The following EDN1 variants were observed in gnomAD, a reference collection of about 807,000 sequenced individuals.
The protein encoded by EDN1 is endothelin-1.
In EDN1, 11 loss-of-function variants were observed where a neutral mutation model predicts 21.7. The ratio of observed to expected loss-of-function variants is 0.51; its 90% CI spans 0.32 to 0.84. The LOEUF is 0.84. Ranked by LOEUF, EDN1 falls within the 40% of genes least tolerant of loss-of-function variation. The pLI, the probability that EDN1 is intolerant of heterozygous loss-of-function variation, is 0.03. For synonymous variants in EDN1, 85 were observed against 90.6 expected (o/e 0.94, Z 0.35); for missense variants, 244 against 262.3 (o/e 0.93, Z 0.48).
chr6:12,236,393 G>A, the EDN1 span, among the ~76,000 whole-genome samples: 1 of 152,042 alleles, frequency 6.6e-6, no homozygotes, highest in Non-Finnish European at 1.5e-5. Flanking sequence ...CAGTAGCTGG[G>A]ACTACAGGCG....
the EDN1 span, among the ~76,000 whole-genome samples, chr6:12,265,829 A>G: frequency 2.6e-5 from 4 of 152,330 alleles, no homozygotes; most frequent in Non-Finnish European, 4.4e-5. Context: ...GAGAAAATAA[A>G]TTTGGAGAAA....
chr6:12,244,011 G>A, the EDN1 span, among the ~76,000 whole-genome samples: 6 of 152,094 alleles, frequency 3.9e-5, no homozygotes, highest in Admixed American at 3.9e-4. Flanking sequence ...TTGTAGCACA[G>A]CCATTCTGAT....
the EDN1 span, among the ~76,000 whole-genome samples, chr6:12,267,473 G>T: frequency 6.6e-6 from 1 of 152,146 alleles, no homozygotes; most frequent in South Asian, 2.1e-4. Flanking sequence ...GAACAAACCA[G>T]GCACAGCATT....
At position 12,290,546 on chromosome 6, in the gene EDN1, C is replaced by T; in HGVS notation, c.-84C>T. On this transcript the variant is annotated 5_prime_UTR_variant, in exon 1 of 5. Transcript: ENST00000379375. Reference sequence around the variant, plus strand: ...GCTTTGAGATCTGAGGAACCCGCAGCGCTTTGAGGGACCTGAAGCTGTTTT... The same window carrying T: ...GCTTTGAGATCTGAGGAACCCGCAGTGCTTTGAGGGACCTGAAGCTGTTTT... 1.8e-6 allele frequency: 2 copies of T among 1,136,948 alleles called. No individual in the cohort carries two copies. The highest frequency in any genetic ancestry group is 1.3e-6 in the Non-Finnish European group (1 of 751,588). The allele number at this position is 1,136,948 out of a possible 1,614,324, so 70.4% of individuals were successfully genotyped here.
the EDN1 span, among the ~76,000 whole-genome samples, chr6:12,266,964 T>C: frequency 6.6e-6 from 1 of 152,326 alleles, no homozygotes; most frequent in South Asian, 2.1e-4. Flanking sequence ...GATTTGCATA[T>C]ATTCAGGAGT....
upstream of EDN1, among the ~76,000 whole-genome samples, chr6:12,289,909 G>C (rs1338892642): frequency 1.3e-5 from 2 of 152,140 alleles, no homozygotes; most frequent in African/African-American, 2.4e-5. Context: ...ACTGAGACTA[G>C]AATCGGAGAG....
chr6:12,276,686 G>A, the EDN1 span, among the ~76,000 whole-genome samples: 1 of 152,130 alleles, frequency 6.6e-6, no homozygotes, highest in Non-Finnish European at 1.5e-5. Flanking sequence ...GTCTTCAAAC[G>A]CCAGTCCAGA....
At chr6:12,294,628 C>G (rs1762775229) in intron 4 of EDN1, among the ~76,000 whole-genome samples, 1 of 152,204 alleles carries the variant, frequency 6.6e-6, no homozygotes, top group Non-Finnish European at 1.5e-5. Context: ...GTCCTCTGTA[C>G]TTTTAGCACA....
chr6:12,247,559 G>T, the EDN1 span, among the ~76,000 whole-genome samples: 1 of 85,148 alleles, frequency 1.2e-5, no homozygotes. Flanking sequence ...TTTTTTTTTG[G>T]AGACAGTCTC....
At chr6:12,271,957 A>T in the EDN1 span, among the ~76,000 whole-genome samples, 1 of 152,176 alleles carries the variant, frequency 6.6e-6, no homozygotes, top group South Asian at 2.1e-4. Context: ...TGTGTATGTG[A>T]CTTGATATTT....
the EDN1 span, among the ~76,000 whole-genome samples, chr6:12,258,514 A>C: frequency 1.1e-4 from 17 of 149,164 alleles, no homozygotes; most frequent in Non-Finnish European, 2.4e-4. Context: ...CAAAGGTTTG[A>C]GGACATATTT....
chr6:12,259,221 A>G, the EDN1 span, among the ~76,000 whole-genome samples: 3 of 152,032 alleles, frequency 2.0e-5, no homozygotes, highest in Admixed American at 2.0e-4. Flanking sequence ...TAATTCCTTA[A>G]GGAGAGGACA....
the EDN1 span, among the ~76,000 whole-genome samples, chr6:12,275,160 CG>C: frequency 1.3e-5 from 2 of 152,176 alleles, no homozygotes; most frequent in South Asian, 4.1e-4. Context: ...ATGGTACCCA[CG>C]GGGGTCCCTC....
At chr6:12,243,920 A>T in the EDN1 span, among the ~76,000 whole-genome samples, 1 of 152,182 alleles carries the variant, frequency 6.6e-6, no homozygotes, top group African/African-American at 2.4e-5. Context: ...TCAATTGAGA[A>T]AGTATTTAGT....
chr6:12,244,947 T>C, the EDN1 span, among the ~76,000 whole-genome samples: 1 of 152,170 alleles, frequency 6.6e-6, no homozygotes, highest in East Asian at 1.9e-4. Context: ...TTCTACCCTA[T>C]CAGGAACAAA....
the EDN1 span, among the ~76,000 whole-genome samples, chr6:12,245,391 C>T: frequency 3.3e-4 from 50 of 152,154 alleles, no homozygotes; most frequent in Non-Finnish European, 5.1e-4. Flanking sequence ...AATCACTTGG[C>T]CAGCCAGACT....
the EDN1 span, among the ~76,000 whole-genome samples, chr6:12,247,921 G>A: frequency 6.6e-6 from 1 of 152,070 alleles, no homozygotes; most frequent in East Asian, 1.9e-4. Flanking sequence ...CCTAGCCTCT[G>A]TATTTGGAGA....
the EDN1 span, among the ~76,000 whole-genome samples, chr6:12,244,740 C>T: frequency 2.6e-5 from 4 of 152,152 alleles, no homozygotes; most frequent in Non-Finnish European, 4.4e-5. Flanking sequence ...AGGCAAATAA[C>T]GTCTTAATAT....
the EDN1 span, among the ~76,000 whole-genome samples, chr6:12,270,026 A>C: frequency 6.6e-6 from 1 of 151,898 alleles, no homozygotes; most frequent in Non-Finnish European, 1.5e-5. Flanking sequence ...TTCATAATTC[A>C]ATTTTGGTAG....
Sources: allele counts gnomAD v4.1 joint callset (sites outside exome capture counted in the v4.1 genomes callset), GRCh38; gene constraint gnomAD v4.1.1; transcripts MANE v1.5; gene names NCBI Gene and HGNC (gene_info 2026-07-23, HGNC 2026-07-21).